Variants in MACROD2 observed in about 807,000 individuals in gnomAD.
MACROD2 encodes ADP-ribose glycohydrolase MACROD2.
A neutral mutation model predicts 70.4 loss-of-function variants in MACROD2; 36 were observed. That is an observed-to-expected ratio of 0.51 (90% CI 0.39 to 0.68). The LOEUF (loss-of-function observed/expected upper bound fraction) is 0.68. Among genes scored for constraint, MACROD2 ranks in the 30% least tolerant of loss-of-function variants. The pLI, the probability that MACROD2 is intolerant of heterozygous loss-of-function variation, is 0.00. For synonymous variants in MACROD2, 172 were observed against 178.8 expected, an observed-to-expected ratio of 0.96 and a Z score of 0.30; for missense variants, 496 against 538.4, an observed-to-expected ratio of 0.92 and a Z score of 0.78.
intron 6 of MACROD2, among the ~76,000 whole-genome samples, chr20:15,378,622 A>G (rs887392278): frequency 3.9e-5 from 6 of 152,200 alleles, no homozygotes; most frequent in Admixed American, 3.3e-4. Context: ...TATTTCAGGA[A>G]GAAGAAATAA....
Position 15,092,137 on chromosome 20 carries a change from C to T in MACROD2, c.419-137803C>T, listed in dbSNP as rs939769171. Among the ~76,000 whole-genome samples the T allele has an allele frequency of 7.9e-5, 12 of 151,814 alleles. 1 individual carries two copies. The highest frequency in any genetic ancestry group is 2.9e-5 in the Non-Finnish European group (2 of 67,918). On this transcript the variant is annotated intron_variant, in intron 5 of 17. Transcript: ENST00000684519. ...ATAAAATGAAATGTAATTTTCTTCA[C>T]CAATGTGAAAGCTAAGCTGGTTTGA...
intron 3 of MACROD2, among the ~76,000 whole-genome samples, chr20:14,450,958 A>G (rs1169069249): frequency 6.6e-6 from 1 of 152,152 alleles, no homozygotes; most frequent in Non-Finnish European, 1.5e-5. Flanking sequence ...CTGAAGTTTC[A>G]TATCACCATA....
intron 7 of MACROD2, among the ~76,000 whole-genome samples, chr20:15,474,414 T>G (rs989464036): frequency 3.9e-5 from 6 of 152,186 alleles, no homozygotes; most frequent in Non-Finnish European, 8.8e-5. Flanking sequence ...GCGGGGATAG[T>G]GTGAGCAAAA....
chr20:15,485,097 G>A (rs1338139547), intron 7 of MACROD2, among the ~76,000 whole-genome samples: 1 of 151,582 alleles, frequency 6.6e-6, no homozygotes, highest in East Asian at 1.9e-4. Flanking sequence ...CCTATATATT[G>A]TTATTCTCAC....
At chr20:15,646,981 A>G (rs987392620) in intron 8 of MACROD2, among the ~76,000 whole-genome samples, 3 of 152,236 alleles carry the variant, frequency 2.0e-5, no homozygotes, top group African/African-American at 7.2e-5. Flanking sequence ...TCCAGAATCC[A>G]TACTGTGTGT....
intron 5 of MACROD2, among the ~76,000 whole-genome samples, chr20:15,186,979 T>C (rs940238760): frequency 6.6e-6 from 1 of 152,250 alleles, no homozygotes; most frequent in Non-Finnish European, 1.5e-5. Context: ...AAGCATATTT[T>C]AGTATAAATC....
chr20:14,782,352 T>C (rs1157740704), intron 5 of MACROD2, among the ~76,000 whole-genome samples: 1 of 152,146 alleles, frequency 6.6e-6, no homozygotes, highest in East Asian at 1.9e-4. Flanking sequence ...GGGCCTTAAC[T>C]ATCTATTCAG....
rs191340727 is a variant in MACROD2, at chr20:15,617,783, A to G, written c.645+117936A>G. Among the ~76,000 whole-genome samples, 12 of 152,266 alleles carry G rather than the reference A, an allele frequency of 7.9e-5. 1 individual carries two copies. Among genetic ancestry groups the G allele is most frequent in the Admixed American group, 7.9e-4 (12 of 15,282 alleles). On this transcript the variant is annotated intron_variant, in intron 8 of 17. Coordinates refer to ENST00000684519, the MANE Select transcript of MACROD2 (RefSeq NM_001351661.2). Reference sequence around the variant, plus strand: ...AGAATAGCTTCAGGCTGTGTAGTGCAACCATGGTCTTCTGTGCTGGTTGTG... The same window carrying G: ...AGAATAGCTTCAGGCTGTGTAGTGCGACCATGGTCTTCTGTGCTGGTTGTG...
At chr20:14,157,929 G>T (rs1484757678) in intron 3 of MACROD2, among the ~76,000 whole-genome samples, 1 of 152,050 alleles carries the variant, frequency 6.6e-6, no homozygotes, top group Non-Finnish European at 1.5e-5. Context: ...TTTTCCTTTG[G>T]ATAAATACCC....
chr20:14,378,444 C>A (rs193236790), intron 3 of MACROD2, among the ~76,000 whole-genome samples: 359 of 152,256 alleles, frequency 2.4e-3, no homozygotes, highest in African/African-American at 8.0e-3. Context: ...AAGGCCCATC[C>A]TTCTTGCTTC....
chr20:14,689,171 C>T (rs1313580031), intron 5 of MACROD2, among the ~76,000 whole-genome samples: 2 of 152,168 alleles, frequency 1.3e-5, no homozygotes, highest in East Asian at 1.9e-4. Flanking sequence ...ATGGCTTGTT[C>T]CTTACCTACC....
chr20:15,478,205 A>G (rs970548019), intron 7 of MACROD2, among the ~76,000 whole-genome samples: 1 of 152,212 alleles, frequency 6.6e-6, no homozygotes, highest in African/African-American at 2.4e-5. Flanking sequence ...CTGAGAAACC[A>G]TATGGACCAG....
intron 8 of MACROD2, among the ~76,000 whole-genome samples, chr20:15,631,837 G>T (rs949849618): frequency 2.0e-5 from 3 of 152,130 alleles, no homozygotes; most frequent in African/African-American, 7.2e-5. Context: ...ATCTGGACAT[G>T]GGGATTTTGA....
chr20:15,040,277 T>A (rs2075345434), intron 5 of MACROD2, among the ~76,000 whole-genome samples: 1 of 149,676 alleles, frequency 6.7e-6, no homozygotes, highest in Non-Finnish European at 1.5e-5. Flanking sequence ...ATCGCGCCAC[T>A]GCACTCCAGC....
intron 3 of MACROD2, among the ~76,000 whole-genome samples, chr20:14,267,915 GA>G (rs1408209362): frequency 6.6e-6 from 1 of 151,892 alleles, no homozygotes; most frequent in East Asian, 1.9e-4. Flanking sequence ...CTTAAAGCCA[GA>G]AAAAAGAAAT....
chr20:15,796,661 T>A (rs1278406502), intron 8 of MACROD2, among the ~76,000 whole-genome samples: 1 of 152,092 alleles, frequency 6.6e-6, no homozygotes, highest in Non-Finnish European at 1.5e-5. Context: ...GTCAGCAGAG[T>A]GCCGGGCATT....
At chr20:15,379,625 T>C (rs1175352844) in intron 6 of MACROD2, among the ~76,000 whole-genome samples, 1 of 152,186 alleles carries the variant, frequency 6.6e-6, no homozygotes, top group African/African-American at 2.4e-5. Flanking sequence ...TCATTTGCAA[T>C]TGCTTTTCTC....
At chr20:15,190,761 G>T (rs755924593) in intron 5 of MACROD2, among the ~76,000 whole-genome samples, 1 of 152,110 alleles carries the variant, frequency 6.6e-6, no homozygotes, top group Non-Finnish European at 1.5e-5. Flanking sequence ...AGTGGTTTCT[G>T]CAGGAAAAGC....
intron 4 of MACROD2, among the ~76,000 whole-genome samples, chr20:14,668,076 C>T (rs2070755796): frequency 6.6e-6 from 1 of 151,982 alleles, no homozygotes; most frequent in East Asian, 1.9e-4. Context: ...ATGACTTGAC[C>T]TCAGGAGTTT....
Sources: allele counts gnomAD v4.1 joint callset (sites outside exome capture counted in the v4.1 genomes callset), GRCh38; gene constraint gnomAD v4.1.1; transcripts MANE v1.5; gene names NCBI Gene and HGNC (gene_info 2026-07-23, HGNC 2026-07-21).